CDH18: variants seen among roughly 807,000 people sequenced by gnomAD.
CDH18 encodes the protein cadherin-18.
CDH18 carries 31 observed loss-of-function variants against 67.9 expected under a neutral mutation model. That is an observed-to-expected ratio of 0.46 (90% confidence interval 0.34 to 0.62). CDH18 has a LOEUF of 0.62. Among genes scored for constraint, CDH18 ranks in the 20% least tolerant of loss-of-function variants. CDH18 has a pLI of 0.01. For synonymous variants in CDH18, 362 were observed against 347.2 expected (o/e 1.04, Z -0.48); for missense variants, 890 against 975.5 (o/e 0.91, Z 1.17).
chr5:19,848,669 G>A (rs950665249), intron 2 of CDH18, among the ~76,000 whole-genome samples: 1 of 151,854 alleles, frequency 6.6e-6, no homozygotes, highest in Non-Finnish European at 1.5e-5. Flanking sequence ...CTTCCATGAG[G>A]AGAATGCAAT....
At chr5:20,275,370 C>T (rs1292997812) in intron 1 of CDH18, among the ~76,000 whole-genome samples, 1 of 152,046 alleles carries the variant, frequency 6.6e-6, no homozygotes, top group African/African-American at 2.4e-5. Flanking sequence ...CATTGCTTTC[C>T]CTTCATCTTC....
At position 19,571,743 on chromosome 5, in the gene CDH18, A is replaced by G; in HGVS notation, c.1089T>C (p.Pro363=). 6.2e-7 allele frequency: 1 copy of G among 1,613,958 alleles called. No individual in the cohort carries two copies. The highest frequency in any genetic ancestry group is 2.2e-5 in the East Asian group (1 of 44,840). The change falls in exon 8 of 13, where the codon CCT becomes CCC. Residue 363 remains proline, a synonymous_variant. Transcript: ENST00000382275. ...TCTTCAGCATAGTAGCATCTTTAAAAGGACCCAAGTGAGAAAAGCGAAAAT... is the reference window on the plus strand; with the variant it reads ...TCTTCAGCATAGTAGCATCTTTAAAGGGACCCAAGTGAGAAAAGCGAAAAT... ...HLDFRFSHLG[P]FKDATMLKII... is the part of the protein sequence containing the mutation.
At chr5:19,859,986 T>TAGGGTG (rs1784704948) in intron 2 of CDH18, among the ~76,000 whole-genome samples, 1 of 40,658 alleles carries the variant, frequency 2.5e-5, no homozygotes, top group South Asian at 1.1e-3. Context: ...CTTGTTTGCT[T>TAGGGTG]TGGGTGTGTG....
intron 1 of CDH18, among the ~76,000 whole-genome samples, chr5:20,543,089 C>T (rs1056114440): frequency 2.6e-5 from 4 of 151,750 alleles, no homozygotes; most frequent in Non-Finnish European, 4.4e-5. Context: ...ATGGCTTAAC[C>T]TCTTTTGATA....
At chr5:20,309,088 C>T (rs930132665) in intron 1 of CDH18, among the ~76,000 whole-genome samples, 3 of 152,264 alleles carry the variant, frequency 2.0e-5, no homozygotes, top group South Asian at 2.1e-4. Flanking sequence ...GTACACACAT[C>T]GACATGCGTA....
At chr5:20,006,188 A>C (rs1178891831) in intron 2 of CDH18, among the ~76,000 whole-genome samples, 3 of 152,048 alleles carry the variant, frequency 2.0e-5, no homozygotes, top group South Asian at 4.1e-4. Context: ...GAAATCAAAG[A>C]GAAATTTTTT....
intron 3 of CDH18, among the ~76,000 whole-genome samples, chr5:19,788,327 T>C (rs1249737065): frequency 6.6e-6 from 1 of 152,234 alleles, no homozygotes; most frequent in East Asian, 1.9e-4. Flanking sequence ...AAAAGATTTG[T>C]TGACATTTGT....
chr5:19,869,001 C>T (rs1178767164), intron 2 of CDH18, among the ~76,000 whole-genome samples: 1 of 152,016 alleles, frequency 6.6e-6, no homozygotes, highest in East Asian at 1.9e-4. Flanking sequence ...TGAAATATGA[C>T]CATAACATCA....
intron 3 of CDH18, among the ~76,000 whole-genome samples, chr5:19,788,574 C>G (rs1776048357): frequency 6.6e-6 from 1 of 152,098 alleles, no homozygotes; most frequent in African/African-American, 2.4e-5. Context: ...CCTATGAGAT[C>G]CATCTCATAT....
intron 1 of CDH18, among the ~76,000 whole-genome samples, chr5:20,359,197 T>A (rs1191626672): frequency 6.6e-6 from 1 of 152,152 alleles, no homozygotes; most frequent in East Asian, 1.9e-4. Flanking sequence ...TCCCAAAATA[T>A]TGGGATTACA....
At position 20,477,204 on chromosome 5, in the gene CDH18, C is replaced by T. The variant is rs546646231; in HGVS notation, c.-580+98258G>A. 7.2e-5 allele frequency among the ~76,000 whole-genome samples: 11 copies of T among 152,148 alleles called. No homozygotes were observed. The South Asian group carries it at 2.1e-3, about 29-fold the overall frequency. Reference sequence around the variant, plus strand: ...GGAGAAAAATATACACACACACATACACACACCCACACACACACGAGGGAG... The same window carrying T: ...GGAGAAAAATATACACACACACATATACACACCCACACACACACGAGGGAG... On this transcript the variant is annotated intron_variant, in intron 1 of 14. Transcript: ENST00000507958.
chr5:19,498,261 T>C (rs1472091963), intron 11 of CDH18, among the ~76,000 whole-genome samples: 1 of 152,162 alleles, frequency 6.6e-6, no homozygotes, highest in Non-Finnish European at 1.5e-5. Flanking sequence ...CTGATTGGTA[T>C]ACAAACACTG....
At chr5:19,965,532 A>T (rs897333564) in intron 2 of CDH18, among the ~76,000 whole-genome samples, 1 of 152,230 alleles carries the variant, frequency 6.6e-6, no homozygotes, top group Admixed American at 6.5e-5. Flanking sequence ...TAATTTGTAG[A>T]TTTAATAAAT....
At chr5:19,537,999 G>C (rs960836590) in intron 9 of CDH18, among the ~76,000 whole-genome samples, 1 of 152,188 alleles carries the variant, frequency 6.6e-6, no homozygotes, top group Non-Finnish European at 1.5e-5. Context: ...ATGACGGAAA[G>C]ATAAAAGGTA....
In CDH18 at chr5:20,283,374, T is replaced by C. The variant is rs1746437758; in HGVS notation, c.-579-27869A>G. Among the ~76,000 whole-genome samples, 2 of 151,876 alleles carry C rather than the reference T, an allele frequency of 1.3e-5. 1 individual carries two copies. On this transcript the variant is annotated intron_variant, in intron 1 of 14. Coordinates refer to the CDH18 transcript ENST00000507958. ...TCTGACAAGTGGCTAATTACCAGAG[T>C]ATATAAGGAGTGTGAACAAATCTAT...
chr5:20,192,051 C>T (rs1738583970), intron 2 of CDH18, among the ~76,000 whole-genome samples: 1 of 152,012 alleles, frequency 6.6e-6, no homozygotes, highest in Admixed American at 6.6e-5. Flanking sequence ...AATTGCCGTT[C>T]TGATTGGCGT....
At chr5:19,836,876 A>G (rs1205982134) in intron 3 of CDH18, among the ~76,000 whole-genome samples, 1 of 152,044 alleles carries the variant, frequency 6.6e-6, no homozygotes, top group East Asian at 1.9e-4. Flanking sequence ...AAAGGATCAG[A>G]AATACCATTT....
At chr5:20,326,376 A>G (rs1738578454) in intron 1 of CDH18, among the ~76,000 whole-genome samples, 1 of 152,118 alleles carries the variant, frequency 6.6e-6, no homozygotes, top group African/African-American at 2.4e-5. Context: ...TAGTCTTTAC[A>G]TATACTCTTG....
chr5:20,254,952 T>G (rs1245899497), intron 2 of CDH18, among the ~76,000 whole-genome samples: 1 of 152,032 alleles, frequency 6.6e-6, no homozygotes, highest in African/African-American at 2.4e-5. Context: ...AGGAATAAAA[T>G]CACGTCTTCT....
Sources: allele counts gnomAD v4.1 joint callset (sites outside exome capture counted in the v4.1 genomes callset), GRCh38; gene constraint gnomAD v4.1.1; transcripts MANE v1.5; gene names NCBI Gene and HGNC (gene_info 2026-07-23, HGNC 2026-07-21).